TMPRSS12: variants seen among roughly 807,000 people sequenced by gnomAD.
TMPRSS12 encodes the protein transmembrane protease serine 12.
Under a neutral mutation model 26.0 loss-of-function variants are expected in TMPRSS12, and 25 were observed. The observed-to-expected ratio is 0.96, with a 90% confidence interval of 0.70 to 1.34. TMPRSS12 has a LOEUF of 1.34. Ranked by LOEUF, TMPRSS12 falls within the 40% of genes most tolerant of loss-of-function variation. The pLI is 0.00. For synonymous variants in TMPRSS12, 150 were observed against 161.7 expected, an observed-to-expected ratio of 0.93 and a Z score of 0.55; for missense variants, 441 against 440.1, an observed-to-expected ratio of 1.00 and a Z score of -0.02.
At chr12:50,884,582 G>C (rs990575677) in intron 3 of TMPRSS12, among the ~76,000 whole-genome samples, 3 of 152,034 alleles carry the variant, frequency 2.0e-5, no homozygotes, top group Admixed American at 2.0e-4. Context: ...ATATAAAAAG[G>C]CACATCTGGC....
At chr12:50,845,962 T>G (rs1937762979) in intron 2 of TMPRSS12, among the ~76,000 whole-genome samples, 1 of 152,230 alleles carries the variant, frequency 6.6e-6, no homozygotes, top group Non-Finnish European at 1.5e-5. Flanking sequence ...TTCAAGTCCT[T>G]TGTCCATTTT....
chr12:50,874,601 C>T (rs1938095915), intron 3 of TMPRSS12, among the ~76,000 whole-genome samples: 1 of 152,010 alleles, frequency 6.6e-6, no homozygotes, highest in South Asian at 2.1e-4. Context: ...AAAAGGTAAC[C>T]AAATAGGAAA....
intron 2 of TMPRSS12, among the ~76,000 whole-genome samples, chr12:50,857,817 C>CGTTGTTGTTGTT (rs547869410): frequency 1.0e-5 from 1 of 96,744 alleles, no homozygotes; most frequent in African/African-American, 3.7e-5. Flanking sequence ...TCGTTGTTGT[C>CGTTGTTGTTGTT]GTTGTTGTTG....
chr12:50,868,157 T>C lies in TMPRSS12; in HGVS notation c.652+9104T>C, dbSNP rs568953701. On this transcript the variant is annotated intron_variant, in intron 3 of 4. Coordinates refer to ENST00000398458, the MANE Select transcript of TMPRSS12 (RefSeq NM_182559.3). ...GGTACCTCACATCTCAATACTAACA[T>C]TGAATATAAATGACCTAAATGCTCC... Among the ~76,000 whole-genome samples, 3 of 152,232 alleles carry C rather than the reference T, an allele frequency of 2.0e-5. No homozygotes were observed. In the South Asian group the frequency reaches 6.2e-4, roughly 32 times the overall value.
intron 3 of TMPRSS12, among the ~76,000 whole-genome samples, chr12:50,861,583 G>A (rs887341036): frequency 1.1e-4 from 16 of 152,086 alleles, no homozygotes; most frequent in South Asian, 2.1e-4. Context: ...AGCAACTACC[G>A]TTTGTTTAGG....
At chr12:50,844,067 G>A (rs376947202) in intron 2 of TMPRSS12, 30 bp downstream of exon 2, 2 of 1,473,778 alleles carry the variant, frequency 1.4e-6, no homozygotes, top group East Asian at 2.4e-5. Context: ...CTATTTTTAT[G>A]CTCTTAGGGG....
intron 2 of TMPRSS12, among the ~76,000 whole-genome samples, chr12:50,850,868 G>A (rs2139721036): frequency 6.6e-6 from 1 of 152,280 alleles, no homozygotes; most frequent in South Asian, 2.1e-4. Flanking sequence ...GCCCGACCAT[G>A]AGAGGCCAGA....
At chr12:50,866,185 C>T (rs1937989532) in intron 3 of TMPRSS12, among the ~76,000 whole-genome samples, 1 of 152,082 alleles carries the variant, frequency 6.6e-6, no homozygotes, top group Admixed American at 6.5e-5. Context: ...GCAGACTGCT[C>T]CTGCAGGACT....
chr12:50,887,400 TGGCTG>T lies in TMPRSS12; in HGVS notation c.935_939del (p.Trp312TyrfsTer40). ...TATTGGGCCATCCTTCTACCAAAAG[TGGCTG>T]ACAGAGCATTTCTTCCATGCAAGCA... is the stretch of plus-strand genomic sequence containing the variant. On this transcript the variant is annotated frameshift_variant, in exon 5 of 5. Transcript: ENST00000398458. LOFTEE classifies it low-confidence loss of function (END_TRUNC). 1.2e-6 allele frequency: 2 copies of T among 1,613,932 alleles called. No individual in the cohort carries two copies. Among genetic ancestry groups the T allele is most frequent in the Non-Finnish European group, 8.5e-7 (1 of 1,179,866 alleles).
chr12:50,861,710 A>G (rs118027115), intron 3 of TMPRSS12, among the ~76,000 whole-genome samples: 1 of 152,360 alleles, frequency 6.6e-6, no homozygotes, highest in East Asian at 1.9e-4. Flanking sequence ...AAGAGGTTAA[A>G]TAAGTTGCTT....
chr12:50,850,478 G>T lies in TMPRSS12; in HGVS notation c.383+6441G>T, dbSNP rs115729867. Among the ~76,000 whole-genome samples the T allele has an allele frequency of 7.9e-3, 1,197 of 152,276 alleles. 22 individuals carry two copies. The highest frequency in any genetic ancestry group is 0.027 in the African/African-American group (1,114 of 41,546). On this transcript the variant is annotated intron_variant, in intron 2 of 4. Coordinates refer to ENST00000398458, the MANE Select transcript of TMPRSS12 (RefSeq NM_182559.3). ...GCCTGTGGTCCCAGCTACTAAGGAT[G>T]CTGAAGTGAGAGGATTGCTTGAGCC...
chr12:50,853,116 C>G (rs1937842066), intron 2 of TMPRSS12, among the ~76,000 whole-genome samples: 1 of 152,298 alleles, frequency 6.6e-6, no homozygotes, highest in Admixed American at 6.5e-5. Context: ...AACCCAAAAT[C>G]ATACCATCCA....
chr12:50,885,438 A>G, intron 4 of TMPRSS12, 50 bp downstream of exon 4: 1 of 1,608,722 alleles, frequency 6.2e-7, no homozygotes, highest in Non-Finnish European at 8.5e-7. Context: ...CCAGAAGGGA[A>G]CTTGTCAAAC....
rs371687362 is a variant in TMPRSS12, at chr12:50,867,325, A to G, written c.652+8272A>G. ...GGAAACATTGGACACACTTACAGAA[A>G]TGCAAAATGCTCTGGAAAGTCTCTG... On this transcript the variant is annotated intron_variant, in intron 3 of 4. Coordinates refer to ENST00000398458, the MANE Select transcript of TMPRSS12 (RefSeq NM_182559.3). Among the ~76,000 whole-genome samples, 19 of 152,358 alleles carry G rather than the reference A, an allele frequency of 1.2e-4. No homozygotes were observed. The East Asian group carries it at 3.7e-3, about 29-fold the overall frequency.
intron 2 of TMPRSS12, 106 bp downstream of exon 2, chr12:50,844,143 G>A: frequency 2.2e-6 from 2 of 891,412 alleles, no homozygotes; most frequent in Non-Finnish European, 1.7e-6. Context: ...TTTGCAAATA[G>A]CCATAATGCC....
intron 3 of TMPRSS12, among the ~76,000 whole-genome samples, chr12:50,877,458 G>A (rs1391551217): frequency 6.6e-6 from 1 of 152,202 alleles, no homozygotes; most frequent in East Asian, 1.9e-4. Flanking sequence ...TGTAAATGTA[G>A]AAATGCTTAA....
chr12:50,855,562 T>G (rs1416446719), intron 2 of TMPRSS12, among the ~76,000 whole-genome samples: 5 of 152,114 alleles, frequency 3.3e-5, no homozygotes, highest in Admixed American at 3.3e-4. Context: ...AATAACAGAT[T>G]CTAGCAAGGC....
rs202168375 is a variant in TMPRSS12 at position 50,858,916 on chromosome 12, T to C, written c.515T>C (p.Ile172Thr). The change falls in exon 3 of 5, where the codon ATT becomes ACT. Residue 172 changes from isoleucine (I) to threonine (T), a missense_variant. Physicochemically the swap from Ile to Thr is moderately conservative, Grantham distance 89. Coordinates refer to ENST00000398458, the MANE Select transcript of TMPRSS12 (RefSeq NM_182559.3). ...ATTTTGGAATCTTATGTAAATGATA[T>C]TGCACTTTTTCACTTAAAAAAAGCA... ...NFILESYVNDIALFHLKKAVR... is the reference protein window; with the variant it reads ...NFILESYVNDTALFHLKKAVR... The C allele has an allele frequency of 2.8e-4, 449 of 1,588,034 alleles. No homozygotes were observed. Among genetic ancestry groups the C allele is most frequent in the Admixed American group, 5.4e-4 (30 of 55,590 alleles).
intron 3 of TMPRSS12, among the ~76,000 whole-genome samples, chr12:50,879,853 C>T (rs1328224591): frequency 6.6e-6 from 1 of 151,950 alleles, no homozygotes; most frequent in African/African-American, 2.4e-5. Context: ...GCCTGTAGTC[C>T]CAGCTACTCA....
Sources: allele counts gnomAD v4.1 joint callset (sites outside exome capture counted in the v4.1 genomes callset), GRCh38; gene constraint gnomAD v4.1.1; transcripts MANE v1.5; gene names NCBI Gene and HGNC (gene_info 2026-07-23, HGNC 2026-07-21).